ZNF185: variants seen among roughly 807,000 people sequenced by gnomAD.
The protein encoded by ZNF185 is zinc finger protein 185.
A neutral mutation model predicts 58.6 loss-of-function variants in ZNF185; 56 were observed. The observed-to-expected ratio is 0.95, with a 90% CI of 0.77 to 1.19. The LOEUF is 1.19. Ranked by LOEUF, ZNF185 falls within the 50% of genes most tolerant of loss-of-function variation. The probability of loss-of-function intolerance (pLI) is 0.00; values close to 1 mark genes in which losing one functional copy is unlikely to be tolerated. For missense variants in ZNF185, 627 were observed against 573.5 expected (o/e 1.09, Z -0.95); for synonymous variants, 230 against 215.9 (o/e 1.07, Z -0.57).
At chrX:152,909,500 C>T (rs1556860354), upstream of ZNF185, among the ~76,000 whole-genome samples, 1 of 112,011 alleles carries the variant, frequency 8.9e-6, no homozygotes, top group Non-Finnish European at 1.9e-5. Flanking sequence ...GAGGAGCCAT[C>T]AGTGGGCCTC....
At chrX:152,947,447 A>G (rs782291414) in intron 16 of ZNF185, among the ~76,000 whole-genome samples, 1 of 112,188 alleles carries the variant, frequency 8.9e-6, no homozygotes, top group African/African-American at 3.2e-5. Flanking sequence ...GTTGCTCCCC[A>G]GATTTCAGGG....
At chrX:152,904,927 C>T in the ZNF185 span, among the ~76,000 whole-genome samples, 1 of 112,439 alleles carries the variant, frequency 8.9e-6, no homozygotes, top group African/African-American at 3.2e-5. Context: ...CTTCCTTAAG[C>T]CCATTCCCCC....
chrX:152,902,304 C>T, the ZNF185 span, among the ~76,000 whole-genome samples: 3 of 112,304 alleles, frequency 2.7e-5, no homozygotes, highest in African/African-American at 9.7e-5. Context: ...GCACCCAGTC[C>T]GGGCCCCTTG....
intron 14 of ZNF185, among the ~76,000 whole-genome samples, chrX:152,934,891 A>G (rs1205266430): frequency 2.7e-5 from 3 of 110,177 alleles, no homozygotes; most frequent in Non-Finnish European, 5.7e-5. Context: ...TGCTGTGATC[A>G]CAGCTCACAG....
chrX:152,956,464 C>T (rs1177324369), intron 16 of ZNF185, among the ~76,000 whole-genome samples: 2 of 111,701 alleles, frequency 1.8e-5, no homozygotes, highest in Non-Finnish European at 3.8e-5. Flanking sequence ...ATTGGCCAAG[C>T]GCGGTGGCTT....
At chrX:152,943,985 A>T (rs2047524798) in intron 15 of ZNF185, among the ~76,000 whole-genome samples, 1 of 113,031 alleles carries the variant, frequency 8.8e-6, no homozygotes, top group Non-Finnish European at 1.9e-5. Context: ...CCACTTTTGG[A>T]TCTGCATGGG....
chrX:152,960,059 T>C (rs981592679), intron 17 of ZNF185, 163 bp downstream of exon 19: 2 of 458,377 alleles, frequency 4.4e-6, no homozygotes, highest in South Asian at 9.3e-5. Flanking sequence ...ATCTCAGGGG[T>C]AGATATTCAT....
intron 15 of ZNF185, chrX:152,941,756 C>A: frequency 8.6e-7 from 1 of 1,164,514 alleles, no homozygotes; most frequent in Non-Finnish European, 1.1e-6. Flanking sequence ...CTCTTGAGGC[C>A]ATGCCCGTGC....
upstream of ZNF185, among the ~76,000 whole-genome samples, chrX:152,910,869 C>T (rs1467666271): frequency 1.2e-4 from 14 of 112,398 alleles, no homozygotes; most frequent in East Asian, 2.8e-4. Flanking sequence ...TGCTTACATC[C>T]GTAGCAAGGG....
intron 16 of ZNF185, among the ~76,000 whole-genome samples, chrX:152,953,915 A>G (rs999567614): frequency 2.7e-5 from 3 of 110,498 alleles, no homozygotes; most frequent in Non-Finnish European, 5.7e-5. Context: ...TAATTTTTCA[A>G]TTTTTAATAG....
exon 15 of ZNF185, chrX:152,938,136 A>C: frequency 8.4e-7 from 1 of 1,185,392 alleles, no homozygotes; most frequent in South Asian, 1.9e-5. Flanking sequence ...ACAGCAGCCC[A>C]GGAGGATGCA....
At position 152,939,754 on chromosome X, in the gene ZNF185, A is replaced by C. The variant is rs781846197; in HGVS notation, c.1211+1591A>C. 9.3e-5 allele frequency among the ~76,000 whole-genome samples: 10 copies of C among 107,601 alleles called. No individual in the cohort carries two copies. In the East Asian group the frequency reaches 2.9e-3, roughly 31 times the overall value. 93.4% of individuals were successfully genotyped at this position (107,601 alleles called of 115,157 possible). ...CTCACGCTACTTTCCTCTGATGTTT[A>C]AACGTCTGCAAAATCAGAGGTGTTT... On this transcript the variant is annotated intron_variant, in intron 15 of 22. Coordinates refer to ENST00000449285, the Ensembl canonical transcript of ZNF185.
At chrX:152,941,599 C>T in intron 15 of ZNF185, 3 of 1,093,992 alleles carry the variant, frequency 2.7e-6, no homozygotes, top group Non-Finnish European at 3.6e-6. Flanking sequence ...GCCTGTGCAC[C>T]TCGGCGAGCA....
chrX:152,911,065 G>A (rs1278037521), upstream of ZNF185, among the ~76,000 whole-genome samples: 2 of 111,860 alleles, frequency 1.8e-5, no homozygotes, highest in East Asian at 5.6e-4. Context: ...TCCTTGCTGA[G>A]GTTGGGGGAG....
chrX:152,922,498 C>T (rs1223710640), intron 10 of ZNF185, among the ~76,000 whole-genome samples: 2 of 111,894 alleles, frequency 1.8e-5, no homozygotes, highest in African/African-American at 6.5e-5. Context: ...CTGATGAGTA[C>T]GTATCTGTGT....
At chrX:152,946,188 CAG>C (rs1295864911) in intron 16 of ZNF185, among the ~76,000 whole-genome samples, 2 of 112,279 alleles carry the variant, frequency 1.8e-5, no homozygotes, top group African/African-American at 6.5e-5. Context: ...TTACACAAGA[CAG>C]AAATGTAGAA....
intron 16 of ZNF185, among the ~76,000 whole-genome samples, chrX:152,947,024 T>A: frequency 8.9e-6 from 1 of 111,858 alleles, no homozygotes; most frequent in Non-Finnish European, 1.9e-5. Context: ...GGAGGCCATA[T>A]TGGAGACTGT....
intron 16 of ZNF185, among the ~76,000 whole-genome samples, chrX:152,955,764 C>T (rs558765806): frequency 1.8e-5 from 2 of 110,566 alleles, no homozygotes; most frequent in East Asian, 2.9e-4. Context: ...TAGCCGGGCG[C>T]GGTGGCATGC....
chrX:152,939,344 G>A (rs899894836), intron 15 of ZNF185, among the ~76,000 whole-genome samples: 2 of 111,929 alleles, frequency 1.8e-5, no homozygotes, highest in Non-Finnish European at 3.8e-5. Flanking sequence ...GCTGTGCTAG[G>A]TGCCTTACAG....
Sources: allele counts gnomAD v4.1 joint callset (sites outside exome capture counted in the v4.1 genomes callset), GRCh38; gene constraint gnomAD v4.1.1; transcripts MANE v1.5; gene names NCBI Gene and HGNC (gene_info 2026-07-23, HGNC 2026-07-21).